The following USP37 variants were observed in gnomAD, a reference collection of about 807,000 sequenced individuals.
USP37 encodes ubiquitin specific peptidase 37.
USP37 carries 27 observed loss-of-function variants against 124.0 expected under a neutral mutation model. That is an observed-to-expected ratio of 0.22 (90% CI 0.16 to 0.30). The LOEUF (loss-of-function observed/expected upper bound fraction) is 0.30. Ranked by LOEUF, USP37 falls within the 10% of genes least tolerant of loss-of-function variation. The pLI is 1.00. For missense variants in USP37, 889 were observed against 1,140.4 expected (o/e 0.78, Z 3.17); for synonymous variants, 365 against 388.0 (o/e 0.94, Z 0.70).
intron 10 of USP37, among the ~76,000 whole-genome samples, chr2:218,511,485 T>G (rs981942371): frequency 6.6e-6 from 1 of 152,204 alleles, no homozygotes; most frequent in African/African-American, 2.4e-5. Context: ...ACTTTTTGTA[T>G]TTTTAGTAGA....
rs537821485 is a variant in USP37 at position 218,562,621 on chromosome 2, G to A, written c.-89+52C>T. On this transcript the variant is annotated intron_variant, in intron 2 of 25. Coordinates refer to ENST00000258399, the MANE Select transcript of USP37 (RefSeq NM_020935.3). ...AACAAACACAAAACTGTCAGTTCCC[G>A]CCAGATTGCATGCTCTTTGAAACAT... 115 of 397,228 alleles carry A rather than the reference G, an allele frequency of 2.9e-4. No individual in the cohort carries two copies. In the South Asian group the frequency reaches 0.012, roughly 40 times the overall value. The allele number at this position is 397,228 out of a possible 1,614,324, so 24.6% of individuals were successfully genotyped here. A position where few individuals can be genotyped will look rare whatever the true frequency, so the allele number is the denominator to read the frequency against.
At chr2:218,455,794 T>A in intron 24 of USP37, 76 bp from the exon 25 acceptor site, 1 of 1,492,840 alleles carries the variant, frequency 6.7e-7, no homozygotes, top group Non-Finnish European at 9.0e-7. Context: ...ACGCCTGTAA[T>A]CTCAGCACTT....
At chr2:218,548,992 A>C (rs1488979993) in intron 6 of USP37, among the ~76,000 whole-genome samples, 1 of 152,196 alleles carries the variant, frequency 6.6e-6, no homozygotes, top group Non-Finnish European at 1.5e-5. Context: ...CGCTCATTCC[A>C]TTTATATAAA....
chr2:218,492,106 C>T (rs1179092035), intron 14 of USP37, among the ~76,000 whole-genome samples: 3 of 152,054 alleles, frequency 2.0e-5, no homozygotes, highest in African/African-American at 7.2e-5. Context: ...GAGGCTGCGG[C>T]GGGAGGATTG....
rs1243958819 is a variant in USP37 at position 218,452,716 on chromosome 2, T to C, written c.*2214A>G. The C allele has an allele frequency of 6.6e-6, 1 of 152,248 alleles. No individual in the cohort carries two copies. Among genetic ancestry groups the C allele is most frequent in the African/African-American group, 2.4e-5 (1 of 41,464 alleles). The allele number at this position is 152,248 out of a possible 1,614,324, so 9.4% of individuals were successfully genotyped here. A position where few individuals can be genotyped will look rare whatever the true frequency, so the allele number is the denominator to read the frequency against. On this transcript the variant is annotated 3_prime_UTR_variant, in exon 26 of 26. Coordinates refer to ENST00000258399, the MANE Select transcript of USP37 (RefSeq NM_020935.3). ...ATGAAAGCAATTCAAATGAGGCTGC[T>C]TCATGAGGCAATCTAGACTTATGGC...
At chr2:218,531,386 T>C (rs1424760615) in intron 9 of USP37, among the ~76,000 whole-genome samples, 1 of 152,242 alleles carries the variant, frequency 6.6e-6, no homozygotes, top group Admixed American at 6.5e-5. Flanking sequence ...TTAATCAATA[T>C]TTTAAGCCAC....
At chr2:218,490,652 T>C (rs1472129069) in intron 14 of USP37, among the ~76,000 whole-genome samples, 1 of 152,164 alleles carries the variant, frequency 6.6e-6, no homozygotes, top group African/African-American at 2.4e-5. Flanking sequence ...ACTGAGTGCC[T>C]CTCTAACAGG....
Position 218,453,280 on chromosome 2 carries a change from T to G in USP37, c.*1650A>C, listed in dbSNP as rs1224479189. On this transcript the variant is annotated 3_prime_UTR_variant, in exon 26 of 26. Transcript: ENST00000258399. ...TTGTTTTTGTTTTCGTTTTTTTTAA[T>G]GAGATGGAGTCTCACTCTGTCACTC... 1 of 151,974 alleles carries G rather than the reference T, an allele frequency of 6.6e-6. No individual in the cohort carries two copies. Among genetic ancestry groups the G allele is most frequent in the African/African-American group, 2.4e-5 (1 of 41,366 alleles). The allele number at this position is 151,974 out of a possible 1,614,324, so 9.4% of individuals were successfully genotyped here.
At chr2:218,487,861 ATC>A (rs1691662791) in intron 15 of USP37, among the ~76,000 whole-genome samples, 1 of 151,960 alleles carries the variant, frequency 6.6e-6, no homozygotes, top group Admixed American at 6.6e-5. Context: ...AAAACTTCTC[ATC>A]TGTTTTCCCC....
intron 2 of USP37, among the ~76,000 whole-genome samples, chr2:218,561,718 A>AAAT (rs1368373554): frequency 6.6e-6 from 1 of 151,986 alleles, no homozygotes; most frequent in Admixed American, 6.6e-5. Flanking sequence ...ACTGCAGATC[A>AAAT]AATCATATCC....
At chr2:218,536,005 G>A (rs1158713862) in intron 8 of USP37, among the ~76,000 whole-genome samples, 1 of 101,954 alleles carries the variant, frequency 9.8e-6, no homozygotes, top group Non-Finnish European at 1.8e-5. Context: ...TGACAAGAGC[G>A]AGACTTCATC....
At chr2:218,540,578 G>A (rs1394509213) in intron 8 of USP37, among the ~76,000 whole-genome samples, 1 of 152,154 alleles carries the variant, frequency 6.6e-6, no homozygotes, top group East Asian at 1.9e-4. Context: ...GGAGTTGGAG[G>A]CTACAGTGAG....
Position 218,479,704 on chromosome 2 carries a change from A to C in USP37, c.1847T>G (p.Leu616Trp). 6.2e-7 allele frequency: 1 copy of C among 1,611,342 alleles called. No homozygotes were observed. The highest frequency in any genetic ancestry group is 8.5e-7 in the Non-Finnish European group (1 of 1,178,468). The change falls in exon 18 of 26, where the codon TTG becomes TGG. Residue 616 changes from leucine (L) to tryptophan (W), a missense_variant. Leu to Trp is a moderately conservative substitution (Grantham distance 61, BLOSUM62 -2). Transcript: ENST00000258399. ...GGAATTCACCATTTGAGAGGCTTTC[A>C]ATGGTCTAGAACTATCAGAAAATTA... ...WSAHMAISRPLKASQMVNSCI... is the reference protein window; with the variant it reads ...WSAHMAISRPWKASQMVNSCI...
chr2:218,495,528 T>A (rs1215550171), intron 14 of USP37, among the ~76,000 whole-genome samples: 1 of 152,180 alleles, frequency 6.6e-6, no homozygotes, highest in East Asian at 1.9e-4. Context: ...GAAAGGAAGA[T>A]GAGATAAAAA....
intron 10 of USP37, among the ~76,000 whole-genome samples, chr2:218,523,819 C>G (rs772592112): frequency 2.0e-5 from 3 of 152,198 alleles, no homozygotes; most frequent in Non-Finnish European, 2.9e-5. Flanking sequence ...TGTTTTTCCC[C>G]TTTCCAATCC....
intron 15 of USP37, 124 bp downstream of exon 15, chr2:218,488,175 CAAAAA>C (rs66581703): frequency 0.024 from 8,201 of 342,544 alleles, no homozygotes; most frequent in South Asian, 0.039. Context: ...GACCCTGTCT[CAAAAA>C]AAAAAAAAAA....
At chr2:218,510,583 C>A (rs1689926438) in intron 10 of USP37, among the ~76,000 whole-genome samples, 1 of 152,066 alleles carries the variant, frequency 6.6e-6, no homozygotes, top group Non-Finnish European at 1.5e-5. Context: ...TTTCAATCTT[C>A]ATTTTTAATT....
intron 14 of USP37, among the ~76,000 whole-genome samples, chr2:218,488,867 TC>T (rs1430850521): frequency 6.6e-6 from 1 of 152,024 alleles, no homozygotes; most frequent in African/African-American, 2.4e-5. Flanking sequence ...ACTCCCGATC[TC>T]AGGTGATTCT....
chr2:218,505,583 T>C (rs755963765), intron 11 of USP37, among the ~76,000 whole-genome samples: 3 of 152,196 alleles, frequency 2.0e-5, no homozygotes, highest in Non-Finnish European at 4.4e-5. Context: ...GTTTCACACC[T>C]CCTTTCATTG....
Sources: allele counts gnomAD v4.1 joint callset (sites outside exome capture counted in the v4.1 genomes callset), GRCh38; gene constraint gnomAD v4.1.1; transcripts MANE v1.5; gene names NCBI Gene and HGNC (gene_info 2026-07-23, HGNC 2026-07-21).